HLA-DQA1: variants seen among roughly 807,000 people sequenced by gnomAD.
HLA-DQA1 encodes the protein major histocompatibility complex, class II, DQ alpha 1.
A neutral mutation model predicts 20.7 loss-of-function variants in HLA-DQA1; 10 were observed. That is an observed-to-expected ratio of 0.48 (90% CI 0.30 to 0.82). HLA-DQA1 has a LOEUF of 0.82. Ranked by LOEUF, HLA-DQA1 falls within the 40% of genes least tolerant of loss-of-function variation. The pLI is 0.07. For synonymous variants in HLA-DQA1, 39 were observed against 109.2 expected (o/e 0.36, Z 4.01); for missense variants, 127 against 293.0 (o/e 0.43, Z 4.14).
the HLA-DQA1 span, among the ~76,000 whole-genome samples, chr6:32,653,843 TG>T: frequency 0.019 from 1,230 of 64,382 alleles, 37 homozygotes; most frequent in Admixed American, 0.029. Context: ...TACATCATTA[TG>T]TTAAAGAACC....
Position 32,637,587 on chromosome 6 carries a change from A to G in HLA-DQA1, c.82+47A>G, listed in dbSNP as rs1380364339. The G allele has an allele frequency of 7.0e-6, 6 of 862,374 alleles. 2 individuals carry two copies. The highest frequency in any genetic ancestry group is 1.0e-5 in the Non-Finnish European group (6 of 578,024). 53.4% of individuals were successfully genotyped at this position (862,374 alleles called of 1,614,324 possible). A position where few individuals can be genotyped will look rare whatever the true frequency, so the allele number is the denominator to read the frequency against. On this transcript the variant is annotated intron_variant, in intron 1 of 4. Transcript: ENST00000343139. ...GTTCTCTGGAGCTGAAAAACAGTAA[A>G]TTGAAGGAAAAGAGATAAAGCGATT... is the stretch of plus-strand genomic sequence containing the variant.
chr6:32,649,761 C>G (rs1412497982), downstream of HLA-DQA1, among the ~76,000 whole-genome samples: 1 of 95,198 alleles, frequency 1.1e-5, no homozygotes, highest in Non-Finnish European at 2.3e-5. Flanking sequence ...CAATACCATT[C>G]AGGACATAGG....
chr6:32,653,525 T>C, the HLA-DQA1 span, among the ~76,000 whole-genome samples: 1 of 96,756 alleles, frequency 1.0e-5, no homozygotes. Flanking sequence ...GCCTCCCACG[T>C]GCTGGGATTA....
chr6:32,655,259 G>T, the HLA-DQA1 span, among the ~76,000 whole-genome samples: 39,487 of 133,634 alleles, frequency 0.3, 6,962 homozygotes, highest in Middle Eastern at 0.44. Flanking sequence ...AAAGTTTTCT[G>T]TTTTTTAAAA....
chr6:32,637,706 A>C (rs948849607), intron 1 of HLA-DQA1, among the ~76,000 whole-genome samples, 166 bp downstream of exon 1: 4 of 102,932 alleles, frequency 3.9e-5, no homozygotes, highest in African/African-American at 1.4e-4. Flanking sequence ...CAGAGCCCCA[A>C]CCTACTCTTT....
At position 32,642,596 on chromosome 6, in the gene HLA-DQA1, C is replaced by T. The variant is rs1469380014; in HGVS notation, c.614-14C>T. The T allele has an allele frequency of 3.6e-6, 5 of 1,380,258 alleles. No individual in the cohort carries two copies. The highest frequency in any genetic ancestry group is 5.0e-6 in the Non-Finnish European group (5 of 998,930). 85.5% of individuals were successfully genotyped at this position (1,380,258 alleles called of 1,614,324 possible). On this transcript the variant is annotated splice_polypyrimidine_tract_variant and intron_variant, in intron 3 of 4. Transcript: ENST00000343139. ...ACACTCTGCATTCTGACCTCAACAA[C>T]TTCACTTCCACAGAGCCTGAGATTC... is the stretch of plus-strand genomic sequence containing the variant.
downstream of HLA-DQA1, chr6:32,643,833 T>G (rs1388747162): frequency 6.6e-6 from 1 of 151,988 alleles, no homozygotes; most frequent in Non-Finnish European, 1.5e-5. Context: ...GAACAAATAC[T>G]TATTCCTCAC....
intron 1 of HLA-DQA1, 96 bp from the exon 2 acceptor site, chr6:32,641,214 A>G (rs9272685): frequency 0.041 from 30,462 of 738,804 alleles, 4,025 homozygotes; most frequent in Admixed American, 0.13. Flanking sequence ...AATGAAGCCC[A>G]TAATATTTGA....
intron 1 of HLA-DQA1, among the ~76,000 whole-genome samples, chr6:32,638,399 A>G (rs9272497): frequency 9.0e-6 from 1 of 110,928 alleles, no homozygotes; most frequent in Non-Finnish European, 1.9e-5. Context: ...GGGCCAGACA[A>G]GGTGGCTCAT....
chr6:32,642,667 G>GATT lies in HLA-DQA1; in HGVS notation c.671_672insATT (p.Leu225dup). The GATT allele has an allele frequency of 7.7e-7, 1 of 1,295,998 alleles. No homozygotes were observed. The highest frequency in any genetic ancestry group is 1.2e-5 in the South Asian group (1 of 82,290). The allele number at this position is 1,295,998 out of a possible 1,614,324, so 80.3% of individuals were successfully genotyped here. On this transcript the variant is annotated inframe_insertion, in exon 4 of 5. Transcript: ENST00000343139. ...ACAGAGACTGTGGTCTGTGCCCTGG[G>GATT]GTTGTCTGTGGGCCTCATGGGCATT... is the stretch of plus-strand genomic sequence containing the variant.
chr6:32,642,177 C>T lies in HLA-DQA1; in HGVS notation c.537C>T (p.Phe179=). The T allele has an allele frequency of 2.1e-6, 3 of 1,424,204 alleles. 1 individual carries two copies. The highest frequency in any genetic ancestry group is 2.9e-6 in the Non-Finnish European group (3 of 1,037,618). 88.2% of individuals were successfully genotyped at this position (1,424,204 alleles called of 1,614,324 possible). A position where few individuals can be genotyped will look rare whatever the true frequency, so the allele number is the denominator to read the frequency against. ...TCTTCAAGATCAGTTACCTCACCTT[C>T]CTCCCTTCTGCTGATGAGATTTATG... ...HSFFKISYLT[F]LPSADEIYDC... Residue 179 remains phenylalanine, a synonymous_variant, in exon 3 of 5, where the codon TTC becomes TTT. Coordinates refer to ENST00000343139, the MANE Select transcript of HLA-DQA1 (RefSeq NM_002122.5).
chr6:32,647,349 A>G (rs770696540), downstream of HLA-DQA1, among the ~76,000 whole-genome samples: 32 of 96,328 alleles, frequency 3.3e-4, 11 homozygotes, highest in Admixed American at 2.0e-3. Context: ...GGCACCTGTA[A>G]TGCCAGCTAC....
chr6:32,653,263 TTTGTTGTTG>T, the HLA-DQA1 span, among the ~76,000 whole-genome samples: 2 of 34,816 alleles, frequency 5.7e-5, 1 homozygote, highest in Non-Finnish European at 1.4e-4. Context: ...TAAATGTATG[TTTGTTGTTG>T]TTGTTGTTGT....
chr6:32,643,814 T>A (rs1221951835), downstream of HLA-DQA1: 1 of 152,012 alleles, frequency 6.6e-6, no homozygotes, highest in African/African-American at 2.4e-5. Context: ...AATGTGGGTG[T>A]CTGAAAAGGA....
downstream of HLA-DQA1, among the ~76,000 whole-genome samples, chr6:32,651,396 A>C (rs1278982536): frequency 9.8e-5 from 8 of 81,608 alleles, 1 homozygote; most frequent in Non-Finnish European, 1.3e-4. Flanking sequence ...CATCCTGGCT[A>C]ACACGGTGAA....
chr6:32,642,517 T>G, intron 3 of HLA-DQA1, 93 bp from the exon 4 acceptor site: 2 of 1,076,146 alleles, frequency 1.9e-6, no homozygotes, highest in Non-Finnish European at 2.8e-6. Flanking sequence ...GGGCCTTGAG[T>G]CTTTGCAGAG....
downstream of HLA-DQA1, among the ~76,000 whole-genome samples, chr6:32,647,543 T>G (rs971538491): frequency 3.0e-5 from 3 of 101,508 alleles, no homozygotes; most frequent in African/African-American, 1.0e-4. Flanking sequence ...ATGCAAAGTT[T>G]TTTAAAAATG....
chr6:32,645,119 A>G (rs1340043438), downstream of HLA-DQA1: 1 of 137,642 alleles, frequency 7.3e-6, no homozygotes, highest in Non-Finnish European at 1.6e-5. Flanking sequence ...TAACACCAAG[A>G]GTTAGACTTA....
intron 3 of HLA-DQA1, 37 bp from the exon 4 acceptor site, chr6:32,642,573 A>G (rs370632832): frequency 1.4e-5 from 19 of 1,387,952 alleles, no homozygotes; most frequent in Non-Finnish European, 1.3e-5. Context: ...ACATGAGCAC[A>G]CTCTGCATTC....
Sources: gnomAD v4.1 joint callset for allele counts (sites outside exome capture counted in the v4.1 genomes callset) on GRCh38, gnomAD v4.1.1 for gene constraint, MANE v1.5 for transcripts, NCBI Gene and HGNC (gene_info 2026-07-23, HGNC 2026-07-21) for gene names.